The following CCDC47 variants were observed in gnomAD, a reference collection of about 807,000 sequenced individuals.
CCDC47 encodes PAT complex subunit CCDC47.
In CCDC47, 41 loss-of-function variants were observed where a neutral mutation model predicts 60.5. The ratio of observed to expected loss-of-function variants is 0.68; its 90% CI spans 0.53 to 0.88. The LOEUF (loss-of-function observed/expected upper bound fraction) is 0.88, where lower values mean the gene tolerates loss of function less well. Ranked by LOEUF, CCDC47 falls within the 40% of genes least tolerant of loss-of-function variation. CCDC47 has a pLI of 0.00. For synonymous variants in CCDC47, 195 were observed against 190.7 expected, an observed-to-expected ratio of 1.02 and a Z score of -0.18; for missense variants, 513 against 580.9, an observed-to-expected ratio of 0.88 and a Z score of 1.20.
chr17:63,747,132 C>T lies in CCDC47; in HGVS notation c.1372-171G>A, dbSNP rs1441793302. On this transcript the variant is annotated intron_variant, in intron 12 of 12. Coordinates refer to ENST00000225726, the MANE Select transcript of CCDC47 (RefSeq NM_020198.3). ...TAGAAGATAGTTATAAAAATAATTGCCAATATCTACATTAGTGAATAAAAA... is the reference window on the plus strand; with the variant it reads ...TAGAAGATAGTTATAAAAATAATTGTCAATATCTACATTAGTGAATAAAAA... The T allele has an allele frequency of 4.1e-6, 4 of 980,986 alleles. No homozygotes were observed. In the Admixed American group the frequency reaches 2.5e-4, roughly 60 times the overall value. 60.8% of individuals were successfully genotyped at this position (980,986 alleles called of 1,614,324 possible). A position where few individuals can be genotyped will look rare whatever the true frequency, so the allele number is the denominator to read the frequency against.
intron 9 of CCDC47, chr17:63,753,217 G>A (rs1361293361): frequency 1.5e-5 from 13 of 845,158 alleles, no homozygotes; most frequent in Non-Finnish European, 1.6e-5. Context: ...TTTGAGTTAG[G>A]CTCAGAGTAA....
chr17:63,764,996 G>T (rs1007072836), intron 2 of CCDC47, 149 bp from the exon 3 acceptor site: 103 of 1,403,104 alleles, frequency 7.3e-5, no homozygotes, highest in Non-Finnish European at 8.9e-5. Context: ...AAAACGATTG[G>T]GTACAAATTT....
intron 2 of CCDC47, 149 bp downstream of exon 2, chr17:63,765,763 T>TA: frequency 7.2e-7 from 1 of 1,396,064 alleles, no homozygotes; most frequent in East Asian, 2.4e-5. Flanking sequence ...GGTGGAAACT[T>TA]ACCACAGAAC....
At chr17:63,769,278 T>C (rs1013753173) in intron 1 of CCDC47, among the ~76,000 whole-genome samples, 9 of 146,298 alleles carry the variant, frequency 6.2e-5, no homozygotes, top group African/African-American at 2.3e-4. Flanking sequence ...ATGTTACAAA[T>C]GAAGTCGAAA....
rs1454620653 is a variant in CCDC47, at chr17:63,752,380, G to A, written c.1143C>T (p.Pro381=). The A allele has an allele frequency of 5.6e-6, 9 of 1,613,982 alleles. No individual in the cohort carries two copies. Among genetic ancestry groups the A allele is most frequent in the Middle Eastern group, 1.6e-4 (1 of 6,062 alleles). ...TAGAATAAATCACCATGTTCATCAG[G>A]GGTAGCAGTGCCTCCATATCCTTTG... The part of the protein sequence containing the change: ...TYPKDMEALL[P]LMNMVIYSID... Residue 381 remains proline (P), a synonymous_variant, in exon 11 of 13, where the codon CCC becomes CCT. Coordinates refer to ENST00000225726, the MANE Select transcript of CCDC47 (RefSeq NM_020198.3).
rs539970653 is a variant in CCDC47 at position 63,772,592 on chromosome 17, A to G, written c.-20+820T>C. Among the ~76,000 whole-genome samples the G allele has an allele frequency of 3.9e-5, 6 of 152,174 alleles. No individual in the cohort carries two copies. The South Asian group carries it at 1.0e-3, about 26-fold the overall frequency. On this transcript the variant is annotated intron_variant, in intron 1 of 12. Coordinates refer to ENST00000225726, the MANE Select transcript of CCDC47 (RefSeq NM_020198.3). The stretch of plus-strand genomic sequence containing the variant: ...TACTCTTAAAACTTTTTTTTCATAT[A>G]GAAGCAACTAAAAGTTAACACCGGA...
chr17:63,755,923 CAAA>C (rs59036340), intron 8 of CCDC47, among the ~76,000 whole-genome samples: 112 of 98,496 alleles, frequency 1.1e-3, no homozygotes, highest in East Asian at 4.0e-3. Context: ...AACTGGAGCT[CAAA>C]AAAAAAAAAA....
chr17:63,771,451 A>G (rs1462844550), intron 1 of CCDC47, among the ~76,000 whole-genome samples: 1 of 152,160 alleles, frequency 6.6e-6, no homozygotes, highest in Non-Finnish European at 1.5e-5. Context: ...TTCTTTTTAT[A>G]CTAGTTGATC....
chr17:63,768,098 C>T (rs1016868266), intron 1 of CCDC47, among the ~76,000 whole-genome samples: 2 of 152,142 alleles, frequency 1.3e-5, no homozygotes, highest in Non-Finnish European at 2.9e-5. Flanking sequence ...ACTTTTGTTA[C>T]ATATAAGGAT....
intron 10 of CCDC47, 143 bp from the exon 11 acceptor site, chr17:63,752,572 T>G (rs969507816): frequency 2.7e-6 from 2 of 754,160 alleles, no homozygotes; most frequent in East Asian, 5.9e-5. Context: ...AAATATAAAT[T>G]AAAATATATA....
In CCDC47 at chr17:63,752,718, C is replaced by G. The variant is rs547681285; in HGVS notation, c.1093+23G>C. 163 of 1,602,970 alleles carry G rather than the reference C, an allele frequency of 1.0e-4. 1 individual carries two copies. In the South Asian group the frequency reaches 1.8e-3, roughly 17 times the overall value. On this transcript the variant is annotated intron_variant, in intron 10 of 12. Coordinates refer to ENST00000225726, the MANE Select transcript of CCDC47 (RefSeq NM_020198.3). ...GTCATCTCAGAGAAGACTAAGAACC[C>G]AGAAAGGACCCAGAATACTTACCAT...
intron 6 of CCDC47, among the ~76,000 whole-genome samples, chr17:63,759,576 T>TAA (rs1568249237): frequency 1.8e-4 from 10 of 56,330 alleles, no homozygotes; most frequent in Admixed American, 2.3e-4. Context: ...TATATATATA[T>TAA]AAAACAATGA....
Position 63,751,900 on chromosome 17 carries a change from T to A in CCDC47, c.1371+40A>T. On this transcript the variant is annotated intron_variant, in intron 12 of 12. Coordinates refer to ENST00000225726, the MANE Select transcript of CCDC47 (RefSeq NM_020198.3). Reference sequence around the variant, plus strand: ...CCAACAGAACACAAGCAGTCATCCTTACAAATCGTAGTTTTACCCCAGTGA... The same window carrying A: ...CCAACAGAACACAAGCAGTCATCCTAACAAATCGTAGTTTTACCCCAGTGA... 3 of 1,608,808 alleles carry A rather than the reference T, an allele frequency of 1.9e-6. 1 individual carries two copies. The South Asian group carries it at 3.3e-5, about 18-fold the overall frequency.
chr17:63,760,354 C>T (rs2039249246), intron 6 of CCDC47, among the ~76,000 whole-genome samples: 1 of 152,182 alleles, frequency 6.6e-6, no homozygotes, highest in African/African-American at 2.4e-5. Flanking sequence ...AAGGCTAACT[C>T]CATTGATCTA....
chr17:63,752,254 T>C lies in CCDC47; in HGVS notation c.1203+66A>G, dbSNP rs2039172314. The C allele has an allele frequency of 5.7e-6, 8 of 1,407,148 alleles. No individual in the cohort carries two copies. The Admixed American group carries it at 9.0e-5, about 16-fold the overall frequency. 87.2% of individuals were successfully genotyped at this position (1,407,148 alleles called of 1,614,324 possible). A position where few individuals can be genotyped will look rare whatever the true frequency, so the allele number is the denominator to read the frequency against. ...TTCAGTCACTGAAATCATTGATAGC[T>C]GCCCTCCCCCTTGAGAAGAAACAAA... On this transcript the variant is annotated intron_variant, in intron 11 of 12. Coordinates refer to ENST00000225726, the MANE Select transcript of CCDC47 (RefSeq NM_020198.3).
chr17:63,759,573 AT>A (rs2039240330), intron 6 of CCDC47, among the ~76,000 whole-genome samples: 9 of 104,270 alleles, frequency 8.6e-5, no homozygotes, highest in Non-Finnish European at 1.5e-4. Context: ...ATATATATAT[AT>A]ATAAAACAAT....
intron 8 of CCDC47, chr17:63,755,391 G>A: frequency 3.2e-6 from 2 of 626,630 alleles, no homozygotes; most frequent in Non-Finnish European, 4.0e-6. Flanking sequence ...AGGCCAAGGT[G>A]GGTGGATCAC....
chr17:63,765,155 C>T (rs1031574980), intron 2 of CCDC47: 35 of 164,464 alleles, frequency 2.1e-4, no homozygotes, highest in Non-Finnish European at 3.0e-4. Context: ...CACACACACA[C>T]GGAGGCAACT....
chr17:63,747,761 G>A, intron 12 of CCDC47: 1 of 985,314 alleles, frequency 1.0e-6, no homozygotes, highest in Non-Finnish European at 1.2e-6. Context: ...AAGAAGAAGT[G>A]CAAAGCATAT....
Sources: gnomAD v4.1 joint callset for allele counts (sites outside exome capture counted in the v4.1 genomes callset) on GRCh38, gnomAD v4.1.1 for gene constraint, MANE v1.5 for transcripts, NCBI Gene and HGNC (gene_info 2026-07-23, HGNC 2026-07-21) for gene names.